The following PEPD variants were observed in gnomAD, a reference collection of about 807,000 sequenced individuals.
PEPD encodes the protein peptidase D.
Under a neutral mutation model 60.7 loss-of-function variants are expected in PEPD, and 53 were observed. The observed-to-expected ratio is 0.87, with a 90% CI of 0.70 to 1.10. The LOEUF (loss-of-function observed/expected upper bound fraction) is 1.10, where lower values mean the gene tolerates loss of function less well. Among genes scored for constraint, PEPD ranks in the 50% least tolerant of loss-of-function variants. The pLI is 0.00. For synonymous variants in PEPD, 267 were observed against 284.1 expected (o/e 0.94, Z 0.60); for missense variants, 711 against 711.9 (o/e 1.00, Z 0.01).
At chr19:33,518,049 C>A (rs556196336) in intron 1 of PEPD, among the ~76,000 whole-genome samples, 3 of 152,308 alleles carry the variant, frequency 2.0e-5, no homozygotes, top group Admixed American at 6.5e-5. Context: ...CCAGCCACCT[C>A]CTCCCCTCAG....
chr19:33,449,333 G>C (rs1322464099), intron 9 of PEPD, among the ~76,000 whole-genome samples: 1 of 152,176 alleles, frequency 6.6e-6, no homozygotes, highest in Non-Finnish European at 1.5e-5. Context: ...CCGCATGGTG[G>C]GGTCAATCAG....
chr19:33,496,847 G>A (rs946846447), intron 4 of PEPD, among the ~76,000 whole-genome samples: 10 of 152,336 alleles, frequency 6.6e-5, no homozygotes, highest in South Asian at 4.1e-4. Context: ...GGCTTCCCAC[G>A]GACACCTCCT....
intron 5 of PEPD, among the ~76,000 whole-genome samples, chr19:33,492,244 A>G (rs1329550400): frequency 1.3e-5 from 2 of 150,888 alleles, no homozygotes; most frequent in South Asian, 2.1e-4. Flanking sequence ...CCCACCTCGC[A>G]CCCCCCACCC....
At chr19:33,496,006 C>G (rs1399281591) in intron 4 of PEPD, among the ~76,000 whole-genome samples, 1 of 151,634 alleles carries the variant, frequency 6.6e-6, no homozygotes, top group East Asian at 1.9e-4. Context: ...AAAAAAAACA[C>G]CCAAAAGGTT....
chr19:33,398,255 GGCCCCC>G (rs1389633474), intron 12 of PEPD, among the ~76,000 whole-genome samples: 4 of 152,224 alleles, frequency 2.6e-5, no homozygotes. Context: ...GGGCTTGGTG[GGCCCCC>G]GCCCCTCACA....
chr19:33,473,379 G>A (rs557710667), intron 7 of PEPD, among the ~76,000 whole-genome samples: 17 of 152,110 alleles, frequency 1.1e-4, no homozygotes, highest in Admixed American at 4.6e-4. Context: ...CCTGGGACAC[G>A]TCTACCTGTG....
chr19:33,439,062 T>C (rs1413346254), intron 9 of PEPD, among the ~76,000 whole-genome samples: 3 of 152,128 alleles, frequency 2.0e-5, no homozygotes, highest in Non-Finnish European at 4.4e-5. Flanking sequence ...GTGGCACAGT[T>C]CTCCTCCCTG....
chr19:33,393,522 C>T (rs902065472), intron 12 of PEPD, among the ~76,000 whole-genome samples: 5 of 145,820 alleles, frequency 3.4e-5, no homozygotes, highest in Admixed American at 3.3e-4. Flanking sequence ...GGTCAAACAG[C>T]CCCACCTCCG....
chr19:33,434,796 C>G (rs963698099), intron 9 of PEPD, among the ~76,000 whole-genome samples: 2 of 152,136 alleles, frequency 1.3e-5, no homozygotes, highest in Admixed American at 6.5e-5. Context: ...AGAACCCAGC[C>G]AGGTGGAGCA....
At chr19:33,484,835 A>C (rs1419154883) in intron 6 of PEPD, among the ~76,000 whole-genome samples, 2 of 152,228 alleles carry the variant, frequency 1.3e-5, no homozygotes, top group African/African-American at 4.8e-5. Flanking sequence ...AGAATCCAAA[A>C]GACAAGGTTA....
At chr19:33,409,178 ACTT>A (rs984477370) in intron 11 of PEPD, among the ~76,000 whole-genome samples, 4 of 152,364 alleles carry the variant, frequency 2.6e-5, no homozygotes, top group African/African-American at 4.8e-5. Context: ...AGGAGCAGTC[ACTT>A]CTTCTGGGGT....
chr19:33,447,377 G>A (rs1969612654), intron 9 of PEPD, among the ~76,000 whole-genome samples: 1 of 152,232 alleles, frequency 6.6e-6, no homozygotes. Flanking sequence ...TCACATGAAG[G>A]AAGCTGGCTG....
intron 6 of PEPD, among the ~76,000 whole-genome samples, chr19:33,480,561 C>T (rs564207562): frequency 6.6e-6 from 1 of 152,156 alleles, no homozygotes; most frequent in Non-Finnish European, 1.5e-5. Flanking sequence ...CTTTGGGAGG[C>T]CAAGGCGGGT....
Position 33,425,275 on chromosome 19 carries a change from C to T in PEPD, c.672-11632G>A, listed in dbSNP as rs533296657. 2.8e-3 allele frequency among the ~76,000 whole-genome samples: 418 copies of T among 150,464 alleles called. 3 individuals are homozygous for T. The highest frequency in any genetic ancestry group is 1.0e-2 in the African/African-American group (403 of 40,420). On this transcript the variant is annotated intron_variant, in intron 9 of 14. Coordinates refer to ENST00000244137, the MANE Select transcript of PEPD (RefSeq NM_000285.4). ...ATGCGCCACTGCACTCCAGCCTGGG[C>T]GACAGAGTGAGATTCAGTCTCAAAA...
At chr19:33,400,549 C>G (rs888572247) in intron 12 of PEPD, among the ~76,000 whole-genome samples, 5 of 152,258 alleles carry the variant, frequency 3.3e-5, no homozygotes, top group African/African-American at 1.2e-4. Context: ...AGGCTGGACC[C>G]TGGCAGCTGC....
At chr19:33,448,055 G>C (rs1052290067) in intron 9 of PEPD, among the ~76,000 whole-genome samples, 2 of 152,200 alleles carry the variant, frequency 1.3e-5, no homozygotes, top group African/African-American at 4.8e-5. Flanking sequence ...TATGGAGACA[G>C]CCCTTCCTGG....
chr19:33,445,165 A>G (rs1260499529), intron 9 of PEPD, among the ~76,000 whole-genome samples: 1 of 152,170 alleles, frequency 6.6e-6, no homozygotes, highest in African/African-American at 2.4e-5. Flanking sequence ...TCATTTAACT[A>G]CACACATGCA....
At chr19:33,476,233 G>A (rs1970210870) in intron 7 of PEPD, among the ~76,000 whole-genome samples, 1 of 152,130 alleles carries the variant, frequency 6.6e-6, no homozygotes, top group South Asian at 2.1e-4. Context: ...CACAGAGTGT[G>A]GCTGTGAGGG....
At chr19:33,511,393 C>CA (rs1970924168) in intron 2 of PEPD, 1 of 508,140 alleles carries the variant, frequency 2.0e-6, no homozygotes, top group South Asian at 1.9e-5. Context: ...GATGCTGTGT[C>CA]AGGCATGTGC....
Sources: allele counts gnomAD v4.1 joint callset (sites outside exome capture counted in the v4.1 genomes callset), GRCh38; gene constraint gnomAD v4.1.1; transcripts MANE v1.5; gene names NCBI Gene and HGNC (gene_info 2026-07-23, HGNC 2026-07-21).